The following WDPCP variants were observed in gnomAD, a reference collection of about 807,000 sequenced individuals.
The protein encoded by WDPCP is WD repeat-containing and planar cell polarity effector protein fritz homolog.
In WDPCP, 71 loss-of-function variants were observed where a neutral mutation model predicts 93.1. That is an observed-to-expected ratio of 0.76 (90% CI 0.63 to 0.93). The LOEUF is 0.93. Among genes scored for constraint, WDPCP ranks in the 40% least tolerant of loss-of-function variants. WDPCP has a pLI of 0.00. For missense variants in WDPCP, 844 were observed against 887.4 expected (o/e 0.95, Z 0.62); for synonymous variants, 315 against 315.0 (o/e 1.00, Z 0.00).
At chr2:63,643,468 GT>G (rs1008886783) in intron 3 of WDPCP, 4 of 345,402 alleles carry the variant, frequency 1.2e-5, no homozygotes, top group Non-Finnish European at 2.3e-5. Flanking sequence ...TCTCTCCCTG[GT>G]TATCCTTCCC....
chr2:63,369,266 A>G (rs1182638810), intron 12 of WDPCP: 2 of 372,350 alleles, frequency 5.4e-6, no homozygotes, highest in Non-Finnish European at 1.1e-5. Flanking sequence ...TACAGTGAAT[A>G]TAGGCACTGT....
chr2:63,774,088 G>T (rs1364121363), intron 2 of WDPCP, among the ~76,000 whole-genome samples: 1 of 152,048 alleles, frequency 6.6e-6, no homozygotes, highest in African/African-American at 2.4e-5. Context: ...AGAAAAATAT[G>T]CCATGGCTAT....
chr2:63,227,164 A>G (rs978824125), intron 14 of WDPCP, among the ~76,000 whole-genome samples: 1 of 151,962 alleles, frequency 6.6e-6, no homozygotes, highest in Non-Finnish European at 1.5e-5. Flanking sequence ...GCAATGTTTT[A>G]TCCTCTATCT....
intron 1 of WDPCP, among the ~76,000 whole-genome samples, chr2:63,508,759 G>C (rs1035415587): frequency 6.6e-6 from 1 of 151,776 alleles, no homozygotes; most frequent in Non-Finnish European, 1.5e-5. Flanking sequence ...CAAATGGAAA[G>C]CAAAAAAAGC....
intron 2 of WDPCP, among the ~76,000 whole-genome samples, chr2:63,676,528 C>T (rs769724109): frequency 2.0e-5 from 3 of 151,448 alleles, no homozygotes; most frequent in Non-Finnish European, 4.4e-5. Flanking sequence ...CCCCATAGTT[C>T]AAAAAATCTC....
At chr2:63,154,346 ATCT>A (rs1242289324) in intron 15 of WDPCP, among the ~76,000 whole-genome samples, 3 of 152,040 alleles carry the variant, frequency 2.0e-5, no homozygotes, top group Non-Finnish European at 4.4e-5. Context: ...AACCACAGAT[ATCT>A]TCTTCATAAC....
At chr2:63,444,837 A>T (rs1302551819) in intron 6 of WDPCP, among the ~76,000 whole-genome samples, 1 of 152,194 alleles carries the variant, frequency 6.6e-6, no homozygotes, top group Non-Finnish European at 1.5e-5. Context: ...CCAGACAAAA[A>T]GTACCTTCCT....
At chr2:63,603,251 T>C (rs915309385) in intron 3 of WDPCP, among the ~76,000 whole-genome samples, 30 of 152,082 alleles carry the variant, frequency 2.0e-4, no homozygotes, top group Non-Finnish European at 3.8e-4. Flanking sequence ...CCACCGCGCC[T>C]GGCATATTTA....
chr2:63,281,607 A>T (rs1653265871), intron 13 of WDPCP, among the ~76,000 whole-genome samples: 1 of 152,232 alleles, frequency 6.6e-6, no homozygotes, highest in African/African-American at 2.4e-5. Context: ...GGATAAAGAA[A>T]ATGTGATATA....
intron 2 of WDPCP, among the ~76,000 whole-genome samples, chr2:63,773,874 C>T (rs981307160): frequency 3.9e-5 from 6 of 152,006 alleles, no homozygotes; most frequent in Non-Finnish European, 8.8e-5. Flanking sequence ...TATTGGCTGA[C>T]TCTGAGCACA....
At chr2:63,763,424 C>T (rs1296293827) in intron 2 of WDPCP, among the ~76,000 whole-genome samples, 2 of 151,496 alleles carry the variant, frequency 1.3e-5, no homozygotes, top group Admixed American at 6.6e-5. Context: ...ATCACCTGAA[C>T]CTGAAAGGCA....
intron 14 of WDPCP, among the ~76,000 whole-genome samples, chr2:63,224,461 T>C (rs1559220556): frequency 6.6e-6 from 1 of 152,084 alleles, no homozygotes; most frequent in Non-Finnish European, 1.5e-5. Flanking sequence ...ATAGCTTTAT[T>C]CATAACTGCC....
chr2:63,523,473 G>A (rs1703091025), intron 1 of WDPCP, among the ~76,000 whole-genome samples: 1 of 152,152 alleles, frequency 6.6e-6, no homozygotes. Flanking sequence ...ACAAGAGAAA[G>A]AAATAAAATG....
At chr2:63,332,806 A>G (rs1688077860) in intron 12 of WDPCP, among the ~76,000 whole-genome samples, 1 of 152,104 alleles carries the variant, frequency 6.6e-6, no homozygotes, top group Admixed American at 6.5e-5. Flanking sequence ...ACAGGGTCTC[A>G]CTGTGCTGCC....
chr2:63,388,482 G>T (rs188590905), intron 10 of WDPCP, among the ~76,000 whole-genome samples: 1 of 152,156 alleles, frequency 6.6e-6, no homozygotes, highest in Non-Finnish European at 1.5e-5. Context: ...AAACCAGAGC[G>T]CCTCTTCTCC....
intron 14 of WDPCP, among the ~76,000 whole-genome samples, chr2:63,255,197 G>A (rs1248389693): frequency 6.6e-6 from 1 of 152,170 alleles, no homozygotes; most frequent in Non-Finnish European, 1.5e-5. Flanking sequence ...ATTATTGAAA[G>A]CTTTCCCTAA....
At chr2:63,509,968 C>A (rs1360220710) in intron 1 of WDPCP, among the ~76,000 whole-genome samples, 3 of 152,048 alleles carry the variant, frequency 2.0e-5, no homozygotes, top group Non-Finnish European at 4.4e-5. Context: ...AAGCCAAGGA[C>A]CAGATGGATT....
intron 2 of WDPCP, among the ~76,000 whole-genome samples, chr2:63,651,886 T>C (rs1575739130): frequency 6.6e-6 from 1 of 152,230 alleles, no homozygotes; most frequent in African/African-American, 2.4e-5. Flanking sequence ...ACAATTTCAA[T>C]AAGCACATGA....
At chr2:63,608,944 G>A (rs1011528664) in intron 3 of WDPCP, among the ~76,000 whole-genome samples, 2 of 152,194 alleles carry the variant, frequency 1.3e-5, no homozygotes, top group Non-Finnish European at 2.9e-5. Flanking sequence ...ACAAAATTTT[G>A]TATAAAGTAA....
Sources: allele counts gnomAD v4.1 joint callset (sites outside exome capture counted in the v4.1 genomes callset), GRCh38; gene constraint gnomAD v4.1.1; transcripts MANE v1.5; gene names NCBI Gene and HGNC (gene_info 2026-07-23, HGNC 2026-07-21).